STX8: variants seen among roughly 807,000 people sequenced by gnomAD.
STX8 encodes the protein syntaxin-8.
In STX8, 23 loss-of-function variants were observed where a neutral mutation model predicts 37.5. The ratio of observed to expected loss-of-function variants is 0.61; its 90% CI spans 0.44 to 0.87. STX8 has a LOEUF of 0.87. STX8 is among the 40% of genes least tolerant of loss of function. The probability of loss-of-function intolerance (pLI) is 0.00; values close to 1 mark genes in which losing one functional copy is unlikely to be tolerated. For missense variants in STX8, 313 were observed against 284.7 expected (o/e 1.10, Z -0.71); for synonymous variants, 115 against 99.1 (o/e 1.16, Z -0.95).
intron 7 of STX8, among the ~76,000 whole-genome samples, chr17:9,319,581 G>C (rs1360483733): frequency 6.6e-6 from 1 of 152,158 alleles, no homozygotes; most frequent in Non-Finnish European, 1.5e-5. Context: ...ATCCAGACTG[G>C]AACAAGAAGC....
At chr17:9,438,241 A>C (rs1021741417) in intron 6 of STX8, among the ~76,000 whole-genome samples, 1 of 71,834 alleles carries the variant, frequency 1.4e-5, no homozygotes, top group East Asian at 2.5e-4. Context: ...ACTCCATCTC[A>C]AAAAAAAAAA....
intron 7 of STX8, among the ~76,000 whole-genome samples, chr17:9,272,586 G>A (rs183947528): frequency 6.4e-4 from 98 of 152,340 alleles, no homozygotes; most frequent in African/African-American, 2.2e-3. Context: ...ATCCCAGAGC[G>A]TACCCCGAAG....
At chr17:9,415,162 C>A (rs575497000) in intron 6 of STX8, among the ~76,000 whole-genome samples, 1 of 152,294 alleles carries the variant, frequency 6.6e-6, no homozygotes, top group Admixed American at 6.5e-5. Flanking sequence ...ACAGTTGTAA[C>A]AAGGTTGGTG....
chr17:9,379,825 G>A (rs927045736), intron 6 of STX8, among the ~76,000 whole-genome samples: 3 of 151,818 alleles, frequency 2.0e-5, no homozygotes, highest in African/African-American at 4.8e-5. Context: ...AAAATTAATC[G>A]GTCATGGTGG....
chr17:9,542,378 C>T (rs138954720), intron 4 of STX8, among the ~76,000 whole-genome samples: 328 of 146,706 alleles, frequency 2.2e-3, no homozygotes, highest in African/African-American at 7.7e-3. Flanking sequence ...CAAACAAAAA[C>T]AACAACAAAA....
At chr17:9,272,258 C>G (rs1907492629) in intron 7 of STX8, among the ~76,000 whole-genome samples, 1 of 152,244 alleles carries the variant, frequency 6.6e-6, no homozygotes, top group South Asian at 2.1e-4. Context: ...TGTGTCACAT[C>G]AGGCTGACAC....
At chr17:9,465,306 C>T (rs1471229318) in intron 6 of STX8, among the ~76,000 whole-genome samples, 1 of 152,070 alleles carries the variant, frequency 6.6e-6, no homozygotes, top group African/African-American at 2.4e-5. Context: ...ATTAATCATC[C>T]TGCCCAGCTG....
chr17:9,480,384 G>T (rs1473454728), intron 6 of STX8, among the ~76,000 whole-genome samples: 1 of 152,048 alleles, frequency 6.6e-6, no homozygotes, highest in Non-Finnish European at 1.5e-5. Flanking sequence ...ATTAGGAAAA[G>T]AAAAAGTTTA....
intron 7 of STX8, among the ~76,000 whole-genome samples, chr17:9,340,339 C>T (rs754213403): frequency 1.3e-5 from 2 of 152,126 alleles, no homozygotes; most frequent in African/African-American, 2.4e-5. Context: ...CCTCTAATGT[C>T]GATCTGGGAA....
chr17:9,347,671 C>T (rs1365055905), intron 7 of STX8, among the ~76,000 whole-genome samples: 1 of 152,154 alleles, frequency 6.6e-6, no homozygotes, highest in Non-Finnish European at 1.5e-5. Flanking sequence ...CACCTGCCAC[C>T]ATGCCCAGCT....
chr17:9,300,345 A>AG (rs1555591861), intron 7 of STX8, among the ~76,000 whole-genome samples: 7 of 142,278 alleles, frequency 4.9e-5, no homozygotes, highest in Non-Finnish European at 9.1e-5. Flanking sequence ...AAAAAAAAAA[A>AG]AAAGAAAGAA....
chr17:9,506,343 T>C (rs968546358), intron 4 of STX8, among the ~76,000 whole-genome samples: 16 of 139,336 alleles, frequency 1.1e-4, no homozygotes, highest in African/African-American at 1.9e-4. Flanking sequence ...TGAAAAATCA[T>C]AGAATAAATG....
chr17:9,531,254 T>C (rs1164877397), intron 4 of STX8, among the ~76,000 whole-genome samples: 1 of 118,220 alleles, frequency 8.5e-6, no homozygotes, highest in African/African-American at 2.7e-5. Flanking sequence ...GCTTTTCTTA[T>C]CTCTTTGCAT....
At chr17:9,572,231 C>T (rs908490925) in intron 1 of STX8, among the ~76,000 whole-genome samples, 3 of 152,122 alleles carry the variant, frequency 2.0e-5, no homozygotes, top group African/African-American at 4.8e-5. Context: ...AGTTCAGAGA[C>T]AGTGATCATG....
At chr17:9,537,425 G>C (rs1015556881) in intron 4 of STX8, among the ~76,000 whole-genome samples, 10 of 152,216 alleles carry the variant, frequency 6.6e-5, no homozygotes, top group African/African-American at 2.4e-4. Flanking sequence ...CGCACGCCTT[G>C]TGTCATGAGA....
intron 7 of STX8, among the ~76,000 whole-genome samples, chr17:9,255,394 G>A (rs140268058): frequency 0.013 from 1,978 of 152,196 alleles, 41 homozygotes; most frequent in African/African-American, 0.045. Flanking sequence ...GGGCATGGTG[G>A]TGCACGCTTG....
intron 4 of STX8, among the ~76,000 whole-genome samples, chr17:9,520,809 G>A (rs1351594568): frequency 6.6e-6 from 1 of 152,202 alleles, no homozygotes; most frequent in Non-Finnish European, 1.5e-5. Flanking sequence ...TGAATTCCAA[G>A]AAGTAGCTTT....
chr17:9,253,287 GTGTGTGTGTATGCGTA>G (rs1304361550), intron 7 of STX8, among the ~76,000 whole-genome samples: 1 of 151,634 alleles, frequency 6.6e-6, no homozygotes, highest in African/African-American at 2.4e-5. Context: ...GGATACGGGT[GTGTGTGTGTATGCGTA>G]TGTGTGTGTA....
intron 7 of STX8, among the ~76,000 whole-genome samples, chr17:9,321,727 C>A (rs1201791259): frequency 6.6e-6 from 1 of 151,920 alleles, no homozygotes; most frequent in Non-Finnish European, 1.5e-5. Flanking sequence ...ACCATGTTGG[C>A]CAGGCTGTTC....
Sources: allele counts gnomAD v4.1 joint callset (sites outside exome capture counted in the v4.1 genomes callset), GRCh38; gene constraint gnomAD v4.1.1; transcripts MANE v1.5; gene names NCBI Gene and HGNC (gene_info 2026-07-23, HGNC 2026-07-21).